The following BRINP3 variants were observed in gnomAD, a reference collection of about 807,000 sequenced individuals.
BRINP3 encodes BMP/retinoic acid inducible neural specific 3.
A neutral mutation model predicts 71.0 loss-of-function variants in BRINP3; 19 were observed. That is an observed-to-expected ratio of 0.27 (90% CI 0.19 to 0.39). The LOEUF is 0.39. Among genes scored for constraint, BRINP3 ranks in the 10% least tolerant of loss-of-function variants. BRINP3 has a pLI of 1.00. For synonymous variants in BRINP3, 380 were observed against 337.7 expected, an observed-to-expected ratio of 1.13 and a Z score of -1.37; for missense variants, 959 against 940.8, an observed-to-expected ratio of 1.02 and a Z score of -0.25.
chr1:190,432,123 C>T (rs562643462), intron 2 of BRINP3, among the ~76,000 whole-genome samples: 3 of 152,068 alleles, frequency 2.0e-5, no homozygotes, highest in African/African-American at 7.2e-5. Flanking sequence ...TATGTAAATC[C>T]CTGATAATTT....
At chr1:190,112,098 T>C (rs2102285238) in intron 7 of BRINP3, among the ~76,000 whole-genome samples, 1 of 152,224 alleles carries the variant, frequency 6.6e-6, no homozygotes, top group Non-Finnish European at 1.5e-5. Flanking sequence ...GGTGATTTTC[T>C]TTCACCAAAC....
At chr1:190,163,928 T>C (rs752126558) in intron 6 of BRINP3, among the ~76,000 whole-genome samples, 3 of 152,144 alleles carry the variant, frequency 2.0e-5, no homozygotes, top group African/African-American at 2.4e-5. Context: ...TGGAGCAATT[T>C]TATATGCAAA....
At chr1:190,346,092 C>T (rs1668006747) in intron 2 of BRINP3, among the ~76,000 whole-genome samples, 2 of 151,900 alleles carry the variant, frequency 1.3e-5, no homozygotes, top group African/African-American at 4.8e-5. Context: ...TCTAGCAGGT[C>T]TGTCATTTTA....
chr1:190,108,604 C>A (rs763595746), intron 7 of BRINP3, among the ~76,000 whole-genome samples: 14 of 148,688 alleles, frequency 9.4e-5, no homozygotes, highest in Non-Finnish European at 1.9e-4. Context: ...CAGAAGCAAT[C>A]TAGTATGCCT....
At chr1:190,121,244 G>A (rs371034565) in intron 7 of BRINP3, among the ~76,000 whole-genome samples, 2 of 151,794 alleles carry the variant, frequency 1.3e-5, no homozygotes, top group East Asian at 1.9e-4. Context: ...GTACTGGTAC[G>A]GTATAACAAA....
intron 2 of BRINP3, among the ~76,000 whole-genome samples, chr1:190,442,048 A>G (rs113919132): frequency 1.4e-5 from 2 of 146,876 alleles, no homozygotes; most frequent in African/African-American, 2.4e-5. Context: ...TTTATTTGGG[A>G]AAAAAAACAA....
At chr1:190,223,815 G>A (rs1657094500) in intron 6 of BRINP3, among the ~76,000 whole-genome samples, 1 of 151,794 alleles carries the variant, frequency 6.6e-6, no homozygotes, top group Admixed American at 6.6e-5. Context: ...AAAACATTCA[G>A]TAAAGTTGCG....
intron 1 of BRINP3, among the ~76,000 whole-genome samples, chr1:190,461,604 C>A (rs1402000763): frequency 6.6e-6 from 1 of 152,002 alleles, no homozygotes; most frequent in Non-Finnish European, 1.5e-5. Flanking sequence ...TGAAATAAAC[C>A]TGCATAAATA....
intron 2 of BRINP3, among the ~76,000 whole-genome samples, chr1:190,436,260 C>T (rs918881130): frequency 2.0e-5 from 3 of 151,792 alleles, no homozygotes; most frequent in Non-Finnish European, 2.9e-5. Context: ...AATTAAAGGA[C>T]GATTGAATCA....
chr1:190,315,779 A>G (rs1220362937), intron 2 of BRINP3, among the ~76,000 whole-genome samples: 1 of 152,144 alleles, frequency 6.6e-6, no homozygotes, highest in Admixed American at 6.6e-5. Flanking sequence ...AGTATATTCC[A>G]TATTTTAAAA....
At chr1:190,153,006 C>G (rs1656550810) in intron 7 of BRINP3, among the ~76,000 whole-genome samples, 1 of 151,882 alleles carries the variant, frequency 6.6e-6, no homozygotes, top group South Asian at 2.1e-4. Flanking sequence ...AAAATAAAAC[C>G]AAGGCCATTT....
At chr1:190,319,080 C>T (rs1182107135) in intron 2 of BRINP3, among the ~76,000 whole-genome samples, 2 of 152,194 alleles carry the variant, frequency 1.3e-5, no homozygotes, top group East Asian at 3.9e-4. Context: ...CCTGGTTGTG[C>T]TTATTCACCT....
At chr1:190,174,127 A>G (rs72729139) in intron 6 of BRINP3, among the ~76,000 whole-genome samples, 185 of 152,264 alleles carry the variant, frequency 1.2e-3, no homozygotes, top group Non-Finnish European at 2.2e-3. Flanking sequence ...TCATGCTTGT[A>G]AGTCACTTTA....
chr1:190,317,543 C>T (rs1234491528), intron 2 of BRINP3, among the ~76,000 whole-genome samples: 3 of 151,886 alleles, frequency 2.0e-5, no homozygotes, highest in African/African-American at 7.3e-5. Context: ...GACCCAATTC[C>T]CTGTCTCATA....
chr1:190,431,232 T>C (rs1674078398), intron 2 of BRINP3, among the ~76,000 whole-genome samples: 3 of 152,210 alleles, frequency 2.0e-5, no homozygotes, highest in African/African-American at 4.8e-5. Flanking sequence ...TAATTGATTG[T>C]AAATGCATTT....
At chr1:190,301,214 T>C (rs1483169393) in intron 2 of BRINP3, among the ~76,000 whole-genome samples, 8 of 66,986 alleles carry the variant, frequency 1.2e-4, no homozygotes, top group East Asian at 3.8e-4. Flanking sequence ...CATATATATA[T>C]ATATATATAT....
At chr1:190,114,331 T>C (rs895908812) in intron 7 of BRINP3, among the ~76,000 whole-genome samples, 3 of 152,158 alleles carry the variant, frequency 2.0e-5, no homozygotes, top group African/African-American at 7.2e-5. Flanking sequence ...ATTAAACCTC[T>C]TTTCTTTATA....
intron 2 of BRINP3, among the ~76,000 whole-genome samples, chr1:190,286,394 C>T (rs1663428436): frequency 6.6e-6 from 1 of 152,058 alleles, no homozygotes; most frequent in South Asian, 2.1e-4. Flanking sequence ...TATACAAATA[C>T]ACAAATGTAC....
intron 6 of BRINP3, among the ~76,000 whole-genome samples, chr1:190,223,978 A>T (rs1006455295): frequency 6.6e-6 from 1 of 151,862 alleles, no homozygotes; most frequent in African/African-American, 2.4e-5. Flanking sequence ...ATTCTTATGC[A>T]AAAAGTACAA....
Sources: gnomAD v4.1 joint callset for allele counts (sites outside exome capture counted in the v4.1 genomes callset) on GRCh38, gnomAD v4.1.1 for gene constraint, MANE v1.5 for transcripts, NCBI Gene and HGNC (gene_info 2026-07-23, HGNC 2026-07-21) for gene names.